Variants in KCNH6 observed in about 807,000 individuals in gnomAD.
KCNH6 encodes potassium voltage-gated channel subfamily H member 6, also known as voltage-gated inwardly rectifying potassium channel KCNH6.
Under a neutral mutation model 83.4 loss-of-function variants are expected in KCNH6, and 81 were observed. That is an observed-to-expected ratio of 0.97 (90% confidence interval 0.81 to 1.17). KCNH6 has a LOEUF of 1.17. KCNH6 is among the 50% of genes most tolerant of loss of function. KCNH6 has a pLI of 0.00. For synonymous variants in KCNH6, 503 were observed against 545.6 expected (o/e 0.92, Z 1.09); for missense variants, 1,203 against 1,290.5 (o/e 0.93, Z 1.04).
rs2032314486 is a variant in KCNH6, at chr17:63,534,119, G to A, written c.909G>A (p.Val303=). 1 of 1,612,006 alleles carries A rather than the reference G, an allele frequency of 6.2e-7. No homozygotes were observed. The highest frequency in any genetic ancestry group is 1.3e-5 in the African/African-American group (1 of 74,166). Residue 303 remains valine (V), a synonymous_variant, in exon 5 of 13, where the codon GTG becomes GTA. Coordinates refer to ENST00000314672, the MANE Select transcript of KCNH6 (RefSeq NM_001278919.2). The surrounding 1 kb of genome is among the most constrained non-coding windows in gnomAD (Gnocchi z 5.0). ...ATACCTGCAGTCCCCTCACTGTGGTGGATCTCATCGTGGACATCATGTTCG... is the reference window on the plus strand; with the variant it reads ...ATACCTGCAGTCCCCTCACTGTGGTAGATCTCATCGTGGACATCATGTTCG... ...CSYTCSPLTV[V]DLIVDIMFVV... is the part of the protein sequence containing the mutation.
At chr17:63,539,200 T>C (rs970184644) in intron 8 of KCNH6, among the ~76,000 whole-genome samples, 1 of 152,004 alleles carries the variant, frequency 6.6e-6, no homozygotes, top group Non-Finnish European at 1.5e-5. Context: ...CATCACAGGG[T>C]CCTCTTGATT....
rs997761060 is a variant in KCNH6, at chr17:63,530,171, G to A, written c.388G>A (p.Glu130Lys). ...TGTCATCATGTTCATTCTCAACTTC[G>A]AGGACCTGGCCCAGCTCCTGGCCAA... The part of the protein sequence containing the change: ...GAVIMFILNF[E>K]DLAQLLAKCS... Residue 130 changes from glutamate to lysine, a missense_variant, in exon 3 of 13, where the codon GAG becomes AAG. Transcript: ENST00000314672. 5.0e-6 allele frequency: 8 copies of A among 1,614,180 alleles called. No individual in the cohort carries two copies. The highest frequency in any genetic ancestry group is 2.2e-5 in the East Asian group (1 of 44,876).
In KCNH6 at chr17:63,538,717, G is replaced by A. The variant is rs2032691335; in HGVS notation, c.1954+55G>A. ...GTTGGGGATTGGATGGAAGAGGGCG[G>A]GATTGGAGATGCCCTGCCCAGGCCA... On this transcript the variant is annotated intron_variant, in intron 8 of 12. Transcript: ENST00000314672. This position sits in a 1 kb window ranked among gnomAD's most constrained non-coding sequence, Gnocchi z 4.0. 2 of 1,502,970 alleles carry A rather than the reference G, an allele frequency of 1.3e-6. No individual in the cohort carries two copies. Among genetic ancestry groups the A allele is most frequent in the South Asian group, 1.3e-5 (1 of 75,730 alleles). 93.1% of individuals were successfully genotyped at this position (1,502,970 alleles called of 1,614,324 possible).
downstream of KCNH6, among the ~76,000 whole-genome samples, chr17:63,548,637 T>G (rs1189968058): frequency 1.3e-5 from 2 of 152,224 alleles, no homozygotes; most frequent in African/African-American, 4.8e-5. Context: ...AACTAAAATT[T>G]TATTGGAAAT....
intron 2 of KCNH6, among the ~76,000 whole-genome samples, chr17:63,527,223 GC>G (rs1201494145): frequency 1.3e-5 from 2 of 152,156 alleles, no homozygotes; most frequent in Non-Finnish European, 2.9e-5. Flanking sequence ...GCTGCTGTCT[GC>G]CCCCACCCTC....
chr17:63,526,897 C>T (rs529950799), intron 2 of KCNH6, among the ~76,000 whole-genome samples: 22 of 152,262 alleles, frequency 1.4e-4, no homozygotes, highest in Admixed American at 9.2e-4. Context: ...CTCAGAGACC[C>T]CTGGGAAACT....
rs2033154581 is a variant in KCNH6 at position 63,546,645 on chromosome 17, T to A, written c.*743T>A. 1 of 152,280 alleles carries A rather than the reference T, an allele frequency of 6.6e-6. No homozygotes were observed. The highest frequency in any genetic ancestry group is 2.1e-4 in the South Asian group (1 of 4,840). 9.4% of individuals were successfully genotyped at this position (152,280 alleles called of 1,614,324 possible). Reference sequence around the variant, plus strand: ...ATGTCAGGACAGTCCTCCAGCCCTCTGCTCCTGATGGTTCTGTGACATTGG... The same window carrying A: ...ATGTCAGGACAGTCCTCCAGCCCTCAGCTCCTGATGGTTCTGTGACATTGG... On this transcript the variant is annotated 3_prime_UTR_variant, in exon 13 of 13. Coordinates refer to ENST00000314672, the MANE Select transcript of KCNH6 (RefSeq NM_001278919.2).
Position 63,533,694 on chromosome 17 carries a change from C to T in KCNH6, c.676-192C>T, listed in dbSNP as rs1349116363. On this transcript the variant is annotated intron_variant, in intron 4 of 12. Coordinates refer to ENST00000314672, the MANE Select transcript of KCNH6 (RefSeq NM_001278919.2). The surrounding 1 kb of genome is among the most constrained non-coding windows in gnomAD (Gnocchi z 4.1). ...CAACTCCTTTCTCTGCACTTCCTCT[C>T]GAGGCATCTGTCCCCTTAGGAACTT... 3.3e-5 allele frequency among the ~76,000 whole-genome samples: 5 copies of T among 152,112 alleles called. No individual in the cohort carries two copies. The highest frequency in any genetic ancestry group is 2.1e-4 in the South Asian group (1 of 4,828).
rs763774067 is a variant in KCNH6 at position 63,545,873 on chromosome 17, C to T, written c.2848C>T (p.Pro950Ser). 1.3e-5 allele frequency: 21 copies of T among 1,613,948 alleles called. No individual in the cohort carries two copies. The highest frequency in any genetic ancestry group is 1.7e-5 in the Non-Finnish European group (20 of 1,179,986). Residue 950 changes from proline to serine, a missense_variant, in exon 13 of 13, where the codon CCT becomes TCT. Transcript: ENST00000314672. ...GGACTTCCAGAGACATGGCTCAGAT[C>T]CTGGATTTGCAGGGAGTTGGGGCCA... ...QLDFQRHGSD[P>S]GFAGSWGH is the part of the protein sequence containing the mutation.
Position 63,538,132 on chromosome 17 carries a change from G to A in KCNH6, c.1569G>A (p.Ala523=), listed in dbSNP as rs961492691. 1.3e-5 allele frequency: 21 copies of A among 1,614,026 alleles called. No homozygotes were observed. The highest frequency in any genetic ancestry group is 1.8e-5 in the Non-Finnish European group (21 of 1,180,040). Residue 523 remains alanine (A), a synonymous_variant, in exon 7 of 13, where the codon GCG becomes GCA. Transcript: ENST00000314672. This position sits in a 1 kb window ranked among gnomAD's most constrained non-coding sequence, Gnocchi z 4.0. ...AIIQRLYSGT[A]RYHTQMLRVK... ...TCCAGCGCCTGTACTCGGGCACCGCGCGCTACCACACGCAGATGCTGCGTG... is the reference window on the plus strand; with the variant it reads ...TCCAGCGCCTGTACTCGGGCACCGCACGCTACCACACGCAGATGCTGCGTG...
intron 8 of KCNH6, among the ~76,000 whole-genome samples, chr17:63,540,057 C>T (rs867953383): frequency 2.2e-4 from 33 of 152,284 alleles, no homozygotes; most frequent in South Asian, 1.5e-3. Flanking sequence ...TGTGCCAGTC[C>T]GGCAGATCCC....
downstream of KCNH6, among the ~76,000 whole-genome samples, chr17:63,546,971 A>C (rs2033161478): frequency 1.3e-5 from 2 of 151,924 alleles, no homozygotes; most frequent in South Asian, 4.1e-4. Flanking sequence ...CTTCGGTAGC[A>C]CTCGCCCCGT....
Position 63,538,733 on chromosome 17 carries a change from G to A in KCNH6, c.1954+71G>A, listed in dbSNP as rs1326181763. On this transcript the variant is annotated intron_variant, in intron 8 of 12. Transcript: ENST00000314672. This position sits in a 1 kb window ranked among gnomAD's most constrained non-coding sequence, Gnocchi z 4.0. ...AAGAGGGCGGGATTGGAGATGCCCT[G>A]CCCAGGCCACCCTCTTCCTGATGAG... is the stretch of plus-strand genomic sequence containing the variant. 4.2e-6 allele frequency: 6 copies of A among 1,432,346 alleles called. No homozygotes were observed. The East Asian group carries it at 1.4e-4, about 33-fold the overall frequency. 88.7% of individuals were successfully genotyped at this position (1,432,346 alleles called of 1,614,324 possible). A position where few individuals can be genotyped will look rare whatever the true frequency, so the allele number is the denominator to read the frequency against.
chr17:63,538,351 C>A lies in KCNH6; in HGVS notation c.1702-59C>A, dbSNP rs940224544. 9.6e-5 allele frequency: 153 copies of A among 1,598,496 alleles called. No individual in the cohort carries two copies. The highest frequency in any genetic ancestry group is 1.2e-4 in the Non-Finnish European group (141 of 1,172,220). On this transcript the variant is annotated intron_variant, in intron 7 of 12. Coordinates refer to ENST00000314672, the MANE Select transcript of KCNH6 (RefSeq NM_001278919.2). This position sits in a 1 kb window ranked among gnomAD's most constrained non-coding sequence, Gnocchi z 4.0. Reference sequence around the variant, plus strand: ...CGGGGCGTCCCCAGAGCCCTCACCACCCTCTCCCCCAGCCCCACCCCGGCC... The same window carrying A: ...CGGGGCGTCCCCAGAGCCCTCACCAACCTCTCCCCCAGCCCCACCCCGGCC...
In KCNH6 at chr17:63,535,218, T is replaced by C. The variant is rs1484127154; in HGVS notation, c.1102-451T>C. Among the ~76,000 whole-genome samples the C allele has an allele frequency of 6.6e-6, 1 of 152,052 alleles. No individual in the cohort carries two copies. The highest frequency in any genetic ancestry group is 2.4e-5 in the African/African-American group (1 of 41,404). Reference sequence around the variant, plus strand: ...CCTTCCCAGGCACGGCTCTCACTGCTCCTCCATCTCCCATGTGCGCATCGG... The same window carrying C: ...CCTTCCCAGGCACGGCTCTCACTGCCCCTCCATCTCCCATGTGCGCATCGG... On this transcript the variant is annotated intron_variant, in intron 5 of 12. Transcript: ENST00000314672. The surrounding 1 kb of genome is among the most constrained non-coding windows in gnomAD (Gnocchi z 4.9).
At chr17:63,531,277 T>C (rs987523992) in intron 4 of KCNH6, among the ~76,000 whole-genome samples, 4 of 152,244 alleles carry the variant, frequency 2.6e-5, no homozygotes, top group Admixed American at 6.5e-5. Context: ...ACTGACTCCC[T>C]GTGTGACCTT....
At chr17:63,540,244 C>G (rs1311712442) in intron 8 of KCNH6, among the ~76,000 whole-genome samples, 2 of 152,034 alleles carry the variant, frequency 1.3e-5, no homozygotes, top group African/African-American at 4.8e-5. Flanking sequence ...CCAACCTGGC[C>G]AAGATGATGA....
Position 63,538,769 on chromosome 17 carries a change from T to A in KCNH6, c.1954+107T>A. On this transcript the variant is annotated intron_variant, in intron 8 of 12. Transcript: ENST00000314672. This position sits in a 1 kb window ranked among gnomAD's most constrained non-coding sequence, Gnocchi z 4.0. Reference sequence around the variant, plus strand: ...CCTCTTCCTGATGAGGATTTTACTTTTACTGGCAGCCACTTGCACAGCATG... The same window carrying A: ...CCTCTTCCTGATGAGGATTTTACTTATACTGGCAGCCACTTGCACAGCATG... The A allele has an allele frequency of 8.1e-7, 1 of 1,230,964 alleles. No homozygotes were observed. The highest frequency in any genetic ancestry group is 1.5e-5 in the South Asian group (1 of 64,566). 76.3% of individuals were successfully genotyped at this position (1,230,964 alleles called of 1,614,324 possible).
chr17:63,530,055 A>T, intron 2 of KCNH6, 36 bp from the exon 3 acceptor site: 1 of 1,607,582 alleles, frequency 6.2e-7, no homozygotes. Context: ...GGACCCCTTC[A>T]GGGCCCACCC....
Sources: allele counts gnomAD v4.1 joint callset (sites outside exome capture counted in the v4.1 genomes callset), GRCh38; gene constraint gnomAD v4.1.1; non-coding constraint Gnocchi (gnomAD v3.1); transcripts MANE v1.5; gene names NCBI Gene and HGNC (gene_info 2026-07-23, HGNC 2026-07-21).